ZNF197: variants seen among roughly 807,000 people sequenced by gnomAD.
The protein encoded by ZNF197 is zinc finger protein 197.
ZNF197 carries 14 observed loss-of-function variants against 27.4 expected under a neutral mutation model. That is an observed-to-expected ratio of 0.51 (90% CI 0.34 to 0.80). ZNF197 has a LOEUF of 0.80. Among genes scored for constraint, ZNF197 ranks in the 30% least tolerant of loss-of-function variants. ZNF197 has a pLI of 0.02. For synonymous variants in ZNF197, 415 were observed against 420.0 expected (o/e 0.99, Z 0.15); for missense variants, 1,090 against 1,222.6 (o/e 0.89, Z 1.62).
intron 5 of ZNF197, among the ~76,000 whole-genome samples, chr3:44,637,735 T>C (rs1402652709): frequency 6.6e-6 from 1 of 152,230 alleles, no homozygotes; most frequent in Non-Finnish European, 1.5e-5. Flanking sequence ...CCCCATTGCA[T>C]TGTTTTGGCA....
chr3:44,631,933 C>T (rs568952569), intron 3 of ZNF197, among the ~76,000 whole-genome samples, 172 bp from the exon 4 acceptor site: 1 of 152,220 alleles, frequency 6.6e-6, no homozygotes, highest in East Asian at 1.9e-4. Context: ...AATCTCTTGA[C>T]CTTGGGAGCC....
Position 44,643,023 on chromosome 3 carries a change from T to C in ZNF197, c.1893T>C (p.Phe631=), listed in dbSNP as rs1702718271. The stretch of plus-strand genomic sequence containing the variant: ...AATGCACTGAATGTGGGAAAGCCTT[T>C]ACTCAAAGTGCTTACCTTTTTGACC... ...PYKCTECGKA[F]TQSAYLFDHQ... Residue 631 remains phenylalanine (F), a synonymous_variant, in exon 6 of 6, where the codon TTT becomes TTC. Transcript: ENST00000344387. 6.2e-7 allele frequency: 1 copy of C among 1,614,024 alleles called. No homozygotes were observed. Among genetic ancestry groups the C allele is most frequent in the African/African-American group, 1.3e-5 (1 of 75,030 alleles).
chr3:44,642,635 G>C lies in ZNF197; in HGVS notation c.1505G>C (p.Arg502Thr), dbSNP rs773997943. ...SQNAYLIDHQ[R>T]LHKGEEPYKC... ...AATGCTTACCTCATTGACCATCAGA[G>C]GCTCCACAAAGGGGAAGAACCTTAT... Residue 502 changes from arginine to threonine, a missense_variant, in exon 6 of 6, where the codon AGG (arginine) becomes ACG (threonine). Physicochemically the swap from Arg to Thr is moderately conservative, Grantham distance 71. Coordinates refer to ENST00000344387, the MANE Select transcript of ZNF197 (RefSeq NM_006991.5). 61 of 1,614,058 alleles carry C rather than the reference G, an allele frequency of 3.8e-5. No homozygotes were observed. The highest frequency in any genetic ancestry group is 5.0e-5 in the Non-Finnish European group (59 of 1,180,022).
Position 44,642,912 on chromosome 3 carries a change from T to C in ZNF197, c.1782T>C (p.Phe594=), listed in dbSNP as rs2125823802. The C allele has an allele frequency of 6.2e-7, 1 of 1,614,096 alleles. No individual in the cohort carries two copies. ...GAGTCCACACAGAAAAGAAAACCTT[T>C]GGTTGTAAAAAGTGTGGGAAGATTT... is the stretch of plus-strand genomic sequence containing the variant. The part of the protein sequence containing the change: ...HQRVHTEKKT[F]GCKKCGKIFS... The change falls in exon 6 of 6, where the codon TTT becomes TTC. Residue 594 remains phenylalanine (F), a synonymous_variant. Transcript: ENST00000344387.
chr3:44,637,186 T>C (rs1265962237), intron 5 of ZNF197, among the ~76,000 whole-genome samples: 3 of 152,184 alleles, frequency 2.0e-5, no homozygotes, highest in Non-Finnish European at 4.4e-5. Flanking sequence ...TGGAGTGTAG[T>C]GGTGTGATCA....
At position 44,643,931 on chromosome 3, in the gene ZNF197, A is replaced by G; in HGVS notation, c.2801A>G (p.Lys934Arg). The G allele has an allele frequency of 6.2e-7, 1 of 1,614,170 alleles. No individual in the cohort carries two copies. The highest frequency in any genetic ancestry group is 8.5e-7 in the Non-Finnish European group (1 of 1,180,020). ...GGGGAAAAACCTTATGAGTGTGACA[A>G]GTGTAGGAAATCCTTTACTTCTAAG... ...HTGEKPYECDKCRKSFTSKRN... is the reference protein window; with the variant it reads ...HTGEKPYECDRCRKSFTSKRN... The change falls in exon 6 of 6, where the codon AAG (lysine) becomes AGG (arginine). Residue 934 changes from lysine (K) to arginine (R), a missense_variant. Transcript: ENST00000344387.
Position 44,640,374 on chromosome 3 carries a change from T to A in ZNF197, c.770-1526T>A, listed in dbSNP as rs1286179574. Reference sequence around the variant, plus strand: ...ATCAGCATTCTCTTTGTTTTTTGTTTGTTTTGTTCTTGTTTTGTTTTGAGA... The same window carrying A: ...ATCAGCATTCTCTTTGTTTTTTGTTAGTTTTGTTCTTGTTTTGTTTTGAGA... On this transcript the variant is annotated intron_variant, in intron 5 of 5. Coordinates refer to ENST00000344387, the MANE Select transcript of ZNF197 (RefSeq NM_006991.5). The surrounding 1 kb of genome is among the most constrained non-coding windows in gnomAD (Gnocchi z 4.0). 6.6e-6 allele frequency among the ~76,000 whole-genome samples: 1 copy of A among 152,142 alleles called. No homozygotes were observed. Among genetic ancestry groups the A allele is most frequent in the Non-Finnish European group, 1.5e-5 (1 of 68,026 alleles).
At chr3:44,636,984 T>C (rs1702330745) in intron 5 of ZNF197, among the ~76,000 whole-genome samples, 1 of 152,218 alleles carries the variant, frequency 6.6e-6, no homozygotes, top group African/African-American at 2.4e-5. Context: ...TTTATGTTCT[T>C]ATTGACTATA....
chr3:44,643,238 A>G lies in ZNF197; in HGVS notation c.2108A>G (p.Glu703Gly). The G allele has an allele frequency of 6.2e-7, 1 of 1,614,134 alleles. No individual in the cohort carries two copies. The highest frequency in any genetic ancestry group is 8.5e-7 in the Non-Finnish European group (1 of 1,180,026). Residue 703 changes from glutamate to glycine, a missense_variant, in exon 6 of 6, where the codon GAG (glutamate) becomes GGG (glycine). Physicochemically the swap from Glu to Gly is moderately conservative, Grantham distance 98. Coordinates refer to ENST00000344387, the MANE Select transcript of ZNF197 (RefSeq NM_006991.5). The stretch of plus-strand genomic sequence containing the variant: ...GACCATGAGAGACTCCACAATGGGG[A>G]GAAGCCATATGAATGTCGAGAGTGT... ...LIDHERLHNG[E>G]KPYECRECGK...
chr3:44,645,591 GCA>G lies in ZNF197; in HGVS notation c.*1372_*1373del. On this transcript the variant is annotated 3_prime_UTR_variant, in exon 6 of 6. Transcript: ENST00000344387. ...AGATGGAGAGTGTCAAAATGGAAGG[GCA>G]GTGGTACCCTGCTTTCCCTATTCAG... 4.1e-6 allele frequency: 4 copies of G among 985,344 alleles called. No individual in the cohort carries two copies. Among genetic ancestry groups the G allele is most frequent in the Non-Finnish European group, 4.8e-6 (4 of 829,922 alleles). 61.0% of individuals were successfully genotyped at this position (985,344 alleles called of 1,614,324 possible).
chr3:44,630,766 C>G (rs1701942617), intron 2 of ZNF197: 1 of 527,852 alleles, frequency 1.9e-6, no homozygotes, highest in African/African-American at 1.9e-5. Context: ...AATCCATGCT[C>G]TTAATTACTG....
chr3:44,642,292 C>T lies in ZNF197; in HGVS notation c.1162C>T (p.His388Tyr), dbSNP rs1168160700. The stretch of plus-strand genomic sequence containing the variant: ...TAATAAAATCTCCCATCTTATAAAC[C>T]ATCGGAGAATCCACACTGGTGAGAA... ...HFNKISHLIN[H>Y]RRIHTGEKPH... The change falls in exon 6 of 6, where the codon CAT (histidine) becomes TAT (tyrosine). Residue 388 changes from histidine (H) to tyrosine (Y), a missense_variant. Transcript: ENST00000344387. 1 of 1,614,046 alleles carries T rather than the reference C, an allele frequency of 6.2e-7. No individual in the cohort carries two copies. Among genetic ancestry groups the T allele is most frequent in the Non-Finnish European group, 8.5e-7 (1 of 1,179,990 alleles).
intron 5 of ZNF197, among the ~76,000 whole-genome samples, chr3:44,641,414 TTA>T (rs1207392992): frequency 6.6e-6 from 1 of 152,236 alleles, no homozygotes; most frequent in Non-Finnish European, 1.5e-5. Flanking sequence ...TTTCAACCAG[TTA>T]AAAAGTATTC....
Position 44,642,602 on chromosome 3 carries a change from T to A in ZNF197, c.1472T>A (p.Phe491Tyr). 1 of 1,614,084 alleles carries A rather than the reference T, an allele frequency of 6.2e-7. No homozygotes were observed. The highest frequency in any genetic ancestry group is 8.5e-7 in the Non-Finnish European group (1 of 1,180,002). ...PYKCNECGKV[F>Y]SQNAYLIDHQ... ...AAGTGTAATGAATGTGGGAAAGTCT[T>A]CTCTCAGAATGCTTACCTCATTGAC... is the stretch of plus-strand genomic sequence containing the variant. Residue 491 changes from phenylalanine to tyrosine, a missense_variant, in exon 6 of 6, where the codon TTC (phenylalanine) becomes TAC (tyrosine). Coordinates refer to ENST00000344387, the MANE Select transcript of ZNF197 (RefSeq NM_006991.5).
At chr3:44,627,349 A>G (rs577488869) in intron 1 of ZNF197, among the ~76,000 whole-genome samples, 2 of 152,268 alleles carry the variant, frequency 1.3e-5, no homozygotes, top group South Asian at 4.1e-4. Flanking sequence ...AGTAGTTAGA[A>G]TTTAACTTCT....
At chr3:44,633,435 C>G (rs1392410437) in intron 5 of ZNF197, among the ~76,000 whole-genome samples, 1 of 152,102 alleles carries the variant, frequency 6.6e-6, no homozygotes, top group South Asian at 2.1e-4. Flanking sequence ...ACAAGAGTGG[C>G]ATAAACCTGG....
rs77534433 is a variant in ZNF197 at position 44,646,720 on chromosome 3, A to G, written c.*2500A>G. On this transcript the variant is annotated 3_prime_UTR_variant, in exon 6 of 6. Transcript: ENST00000344387. ...ATGAAAATTTCGATATGAAAGGTAT[A>G]AAACATGGATGAGGAGGCTTGTTTT... 231 of 527,302 alleles carry G rather than the reference A, an allele frequency of 4.4e-4. No homozygotes were observed. Among genetic ancestry groups the G allele is most frequent in the African/African-American group, 4.3e-3 (221 of 51,702 alleles). The allele number at this position is 527,302 out of a possible 1,614,324, so 32.7% of individuals were successfully genotyped here. A position where few individuals can be genotyped will look rare whatever the true frequency, so the allele number is the denominator to read the frequency against.
At chr3:44,630,388 G>A (rs983672596) in intron 2 of ZNF197, among the ~76,000 whole-genome samples, 4 of 152,172 alleles carry the variant, frequency 2.6e-5, no homozygotes, top group African/African-American at 4.8e-5. Flanking sequence ...GGATCTTAAT[G>A]TAGCCTCTCA....
rs774190033 is a variant in ZNF197, at chr3:44,642,526, C to T, written c.1396C>T (p.His466Tyr). The T allele has an allele frequency of 1.1e-5, 18 of 1,613,936 alleles. No individual in the cohort carries two copies. The highest frequency in any genetic ancestry group is 1.4e-5 in the Non-Finnish European group (17 of 1,179,962). ...GGAGTGTGGAAAGGGCTTCTATAGG[C>T]ACTCAGGCCTAATTATACATCTAAG... is the stretch of plus-strand genomic sequence containing the variant. ...CKECGKGFYR[H>Y]SGLIIHLRRH... The change falls in exon 6 of 6, where the codon CAC becomes TAC. Residue 466 changes from histidine to tyrosine, a missense_variant. His to Tyr is a moderately conservative substitution (Grantham distance 83). Transcript: ENST00000344387.
Sources: allele counts gnomAD v4.1 joint callset (sites outside exome capture counted in the v4.1 genomes callset), GRCh38; gene constraint gnomAD v4.1.1; non-coding constraint Gnocchi (gnomAD v3.1); transcripts MANE v1.5; gene names NCBI Gene and HGNC (gene_info 2026-07-23, HGNC 2026-07-21).